Variants in MCOLN1 observed in about 807,000 individuals in gnomAD.
MCOLN1 encodes mucolipin TRP cation channel 1.
A neutral mutation model predicts 70.3 loss-of-function variants in MCOLN1; 50 were observed. The ratio of observed to expected loss-of-function variants is 0.71; its 90% CI spans 0.57 to 0.90. The LOEUF is 0.90. MCOLN1 is among the 40% of genes least tolerant of loss of function. MCOLN1 has a pLI of 0.00. For missense variants in MCOLN1, 598 were observed against 803.5 expected, an observed-to-expected ratio of 0.74 and a Z score of 3.09; for synonymous variants, 366 against 341.0, an observed-to-expected ratio of 1.07 and a Z score of -0.81.
rs686796 is a variant in MCOLN1 at position 7,533,693 on chromosome 19, G to C, written c.1706+40G>C. On this transcript the variant is annotated intron_variant, in intron 13 of 13. Coordinates refer to ENST00000264079, the MANE Select transcript of MCOLN1 (RefSeq NM_020533.3). The stretch of plus-strand genomic sequence containing the variant: ...TCTGGCACATTCAGATTGGAGGTTA[G>C]GGAATGGGGAAAGGGGAGCGAGCCA... The C allele has an allele frequency of 0.023, 36,849 of 1,614,138 alleles. 497 individuals are homozygous for C. Among genetic ancestry groups the C allele is most frequent in the Non-Finnish European group, 0.027 (31,763 of 1,180,014 alleles).
At position 7,525,317 on chromosome 19, in the gene MCOLN1, C is replaced by T. The variant is rs1333776390; in HGVS notation, c.237+151C>T. On this transcript the variant is annotated intron_variant, in intron 2 of 13. Coordinates refer to ENST00000264079, the MANE Select transcript of MCOLN1 (RefSeq NM_020533.3). This position sits in a 1 kb window ranked among gnomAD's most constrained non-coding sequence, Gnocchi z 4.2. ...GACCAGTCTGGCCAGCATGGTGAAA[C>T]CCCATCTCTACTAAAAATACAAAAA... The T allele has an allele frequency of 1.4e-6, 1 of 724,648 alleles. No homozygotes were observed. Among genetic ancestry groups the T allele is most frequent in the Non-Finnish European group, 2.4e-6 (1 of 415,626 alleles). The allele number at this position is 724,648 out of a possible 1,614,324, so 44.9% of individuals were successfully genotyped here. A position where few individuals can be genotyped will look rare whatever the true frequency, so the allele number is the denominator to read the frequency against.
intron 12 of MCOLN1, among the ~76,000 whole-genome samples, chr19:7,531,219 G>T (rs2022649579): frequency 6.7e-6 from 1 of 150,284 alleles, no homozygotes; most frequent in East Asian, 2.0e-4. Context: ...TTTTTTTTTT[G>T]AAATGGAATC....
chr19:7,532,217 C>T lies in MCOLN1; in HGVS notation c.1576-1306C>T, dbSNP rs531722559. ...GGAGGAAAATCAGGTGTGCATGATCCGTCCAAGGCCTGTGGGCAAGGATGG... is the reference window on the plus strand; with the variant it reads ...GGAGGAAAATCAGGTGTGCATGATCTGTCCAAGGCCTGTGGGCAAGGATGG... On this transcript the variant is annotated intron_variant, in intron 12 of 13. Transcript: ENST00000264079. 6.6e-5 allele frequency among the ~76,000 whole-genome samples: 10 copies of T among 152,270 alleles called. No homozygotes were observed. In the South Asian group the frequency reaches 1.2e-3, roughly 19 times the overall value.
rs1028471488 is a variant in MCOLN1, at chr19:7,522,640, C to T, written c.-111C>T. On this transcript the variant is annotated 5_prime_UTR_variant, in exon 1 of 14. Transcript: ENST00000264079. ...GACCGAGGCACAGATCAGCTGATGC[C>T]GGAGGGTTTGAAGCCGCGCCGCGAG... is the stretch of plus-strand genomic sequence containing the variant. The T allele has an allele frequency of 2.6e-6, 3 of 1,174,806 alleles. No individual in the cohort carries two copies. The highest frequency in any genetic ancestry group is 3.4e-6 in the Non-Finnish European group (3 of 873,512). 72.8% of individuals were successfully genotyped at this position (1,174,806 alleles called of 1,614,324 possible). A position where few individuals can be genotyped will look rare whatever the true frequency, so the allele number is the denominator to read the frequency against.
Position 7,528,902 on chromosome 19 carries a change from A to G in MCOLN1, c.1066A>G (p.Ile356Val). 1 of 1,614,140 alleles carries G rather than the reference A, an allele frequency of 6.2e-7. No individual in the cohort carries two copies. Among genetic ancestry groups the G allele is most frequent in the Non-Finnish European group, 8.5e-7 (1 of 1,180,020 alleles). The change falls in exon 9 of 14, where the codon ATC (isoleucine) becomes GTC (valine). Residue 356 changes from isoleucine to valine, a missense_variant. Physicochemically the swap from Ile to Val is conservative, Grantham distance 29. Around this residue, in one of 3 missense-constraint regions of MCOLN1, gnomAD observed 461 missense variants for 588.4 expected, o/e 0.78. Coordinates refer to ENST00000264079, the MANE Select transcript of MCOLN1 (RefSeq NM_020533.3). This position sits in a 1 kb window ranked among gnomAD's most constrained non-coding sequence, Gnocchi z 4.2. ...ERLEFVNGWYILLVTSDVLTI... is the reference protein window; with the variant it reads ...ERLEFVNGWYVLLVTSDVLTI... ...GCTGGAATTTGTCAATGGCTGGTACATCCTGCTCGTCACCAGCGATGTGCT... is the reference window on the plus strand; with the variant it reads ...GCTGGAATTTGTCAATGGCTGGTACGTCCTGCTCGTCACCAGCGATGTGCT...
In MCOLN1 at chr19:7,522,717, C is replaced by G. The variant is rs372842089; in HGVS notation, c.-34C>G. The G allele has an allele frequency of 1.8e-4, 267 of 1,452,670 alleles. No homozygotes were observed. In the African/African-American group the frequency reaches 3.3e-3, roughly 18 times the overall value. 90.0% of individuals were successfully genotyped at this position (1,452,670 alleles called of 1,614,324 possible). A position where few individuals can be genotyped will look rare whatever the true frequency, so the allele number is the denominator to read the frequency against. On this transcript the variant is annotated 5_prime_UTR_variant, in exon 1 of 14. Coordinates refer to ENST00000264079, the MANE Select transcript of MCOLN1 (RefSeq NM_020533.3). ...GGCGATCGGACCCAGGCTGCCCCGC[C>G]GTACCCGCCTGCGTCCCGCGCTCCC...
rs1459775718 is a variant in MCOLN1, at chr19:7,526,851, T to C, written c.496T>C (p.Cys166Arg). The change falls in exon 4 of 14, where the codon TGC becomes CGC. Residue 166 changes from cysteine (C) to arginine (R), a missense_variant. Around this residue, in one of 3 missense-constraint regions of MCOLN1, gnomAD observed 461 missense variants for 588.4 expected, o/e 0.78. Coordinates refer to ENST00000264079, the MANE Select transcript of MCOLN1 (RefSeq NM_020533.3). This position sits in a 1 kb window ranked among gnomAD's most constrained non-coding sequence, Gnocchi z 4.6. ...PWTNGSGLALCQRYYHRGHVD... is the reference protein window; with the variant it reads ...PWTNGSGLALRQRYYHRGHVD... ...GACCAATGGCTCAGGGCTTGCTCTC[T>C]GCCAGCGGTACTACCACCGAGGCCA... 6.2e-7 allele frequency: 1 copy of C among 1,614,190 alleles called. No individual in the cohort carries two copies. Among genetic ancestry groups the C allele is most frequent in the Non-Finnish European group, 8.5e-7 (1 of 1,180,018 alleles).
At chr19:7,531,672 T>A (rs1037676286) in intron 12 of MCOLN1, among the ~76,000 whole-genome samples, 1 of 151,804 alleles carries the variant, frequency 6.6e-6, no homozygotes, top group African/African-American at 2.4e-5. Flanking sequence ...CTTCTTTATT[T>A]ATTTATTTTT....
chr19:7,529,254 C>G, intron 10 of MCOLN1, 52 bp downstream of exon 10: 1 of 1,493,680 alleles, frequency 6.7e-7, no homozygotes, highest in Non-Finnish European at 9.3e-7. Context: ...CCACACCCTC[C>G]AAATAAATCC....
At position 7,529,145 on chromosome 19, in the gene MCOLN1, G is replaced by A. The variant is rs201232288; in HGVS notation, c.1179G>A (p.Ser393=). ...TCTGCAGCATCCTCCTGGGCACCTC[G>A]ACGCTGCTGGTGTGGGTGGGCGTGA... The part of the protein sequence containing the change: ...YDVCSILLGT[S]TLLVWVGVIR... Residue 393 remains serine, a synonymous_variant, in exon 10 of 14, where the codon TCG becomes TCA. Coordinates refer to ENST00000264079, the MANE Select transcript of MCOLN1 (RefSeq NM_020533.3). The A allele has an allele frequency of 2.1e-4, 338 of 1,613,872 alleles. No homozygotes were observed. The highest frequency in any genetic ancestry group is 2.7e-4 in the Non-Finnish European group (321 of 1,180,016).
rs71653388 is a variant in MCOLN1, at chr19:7,530,164, GGCCATTCATGTGGGGCCCCA to G, written c.1360-117_1360-98del. On this transcript the variant is annotated intron_variant, in intron 11 of 13. Transcript: ENST00000264079. ...ACATGGTGACCGCAGCCCGGGACCC[GGCCATTCATGTGGGGCCCCA>G]GCCACCAGCTCCTAGCCATTTGCAT... The G allele has an allele frequency of 0.34, 325,088 of 950,040 alleles. 51,989 individuals are homozygous for G. Among genetic ancestry groups the G allele is most frequent in the Middle Eastern group, 0.45 (1,482 of 3,302 alleles). The allele number at this position is 950,040 out of a possible 1,614,324, so 58.9% of individuals were successfully genotyped here. A position where few individuals can be genotyped will look rare whatever the true frequency, so the allele number is the denominator to read the frequency against.
In MCOLN1 at chr19:7,528,525, G is replaced by A; in HGVS notation, c.878-72G>A. On this transcript the variant is annotated intron_variant, in intron 7 of 13. Coordinates refer to ENST00000264079, the MANE Select transcript of MCOLN1 (RefSeq NM_020533.3). This position sits in a 1 kb window ranked among gnomAD's most constrained non-coding sequence, Gnocchi z 4.2. ...GTGCAGCCCCCTAGGTCTCCAGCCT[G>A]GCCTGGCACCAATGCTAGCCTCCCA... The A allele has an allele frequency of 6.3e-7, 1 of 1,597,756 alleles. No homozygotes were observed. The highest frequency in any genetic ancestry group is 8.5e-7 in the Non-Finnish European group (1 of 1,170,108).
Position 7,533,573 on chromosome 19 carries a change from A to C in MCOLN1, c.1626A>C (p.Ala542=). ...AEESELQAYI[A]QCQDSPTSGK... is the part of the protein sequence containing the mutation. ...AGAGCGAGCTGCAGGCCTACATCGC[A>C]CAGTGCCAGGACAGCCCCACCTCCG... The change falls in exon 13 of 14, where the codon GCA becomes GCC. Residue 542 remains alanine (A), a synonymous_variant. Transcript: ENST00000264079. 1 of 1,612,774 alleles carries C rather than the reference A, an allele frequency of 6.2e-7. No homozygotes were observed. The highest frequency in any genetic ancestry group is 8.5e-7 in the Non-Finnish European group (1 of 1,179,972).
chr19:7,522,707 G>A lies in MCOLN1; in HGVS notation c.-44G>A. On this transcript the variant is annotated 5_prime_UTR_variant, in exon 1 of 14. Transcript: ENST00000264079. ...GACAGCGGCGGGCGATCGGACCCAG[G>A]CTGCCCCGCCGTACCCGCCTGCGTC... is the stretch of plus-strand genomic sequence containing the variant. 1 of 1,437,802 alleles carries A rather than the reference G, an allele frequency of 7.0e-7. No individual in the cohort carries two copies. Among genetic ancestry groups the A allele is most frequent in the Non-Finnish European group, 9.1e-7 (1 of 1,099,798 alleles). 89.1% of individuals were successfully genotyped at this position (1,437,802 alleles called of 1,614,324 possible). A position where few individuals can be genotyped will look rare whatever the true frequency, so the allele number is the denominator to read the frequency against.
At position 7,528,163 on chromosome 19, in the gene MCOLN1, G is replaced by A. The variant is rs200484869; in HGVS notation, c.783G>A (p.Thr261=). The change falls in exon 7 of 14, where the codon ACG becomes ACA. Residue 261 remains threonine, a synonymous_variant. Coordinates refer to ENST00000264079, the MANE Select transcript of MCOLN1 (RefSeq NM_020533.3). This position sits in a 1 kb window ranked among gnomAD's most constrained non-coding sequence, Gnocchi z 4.2. ...CCCCCAACTGGCCCCCACAGATCACGTTTGACAACAAAGCACACAGTGGGC... is the reference window on the plus strand; with the variant it reads ...CCCCCAACTGGCCCCCACAGATCACATTTGACAACAAAGCACACAGTGGGC... The part of the protein sequence containing the change: ...PDCYTFSVLI[T]FDNKAHSGRI... The A allele has an allele frequency of 6.5e-5, 105 of 1,614,042 alleles. No individual in the cohort carries two copies. In the Middle Eastern group the frequency reaches 2.8e-3, roughly 43 times the overall value.
At position 7,522,637 on chromosome 19, in the gene MCOLN1, T is replaced by G. The variant is rs1029269932; in HGVS notation, c.-114T>G. ...CGTGACCGAGGCACAGATCAGCTGA[T>G]GCCGGAGGGTTTGAAGCCGCGCCGC... On this transcript the variant is annotated 5_prime_UTR_variant, in exon 1 of 14. The change abolishes an upstream ATG in the 5' untranslated region. Transcript: ENST00000264079. 24 of 1,144,508 alleles carry G rather than the reference T, an allele frequency of 2.1e-5. No homozygotes were observed. Among genetic ancestry groups the G allele is most frequent in the Non-Finnish European group, 2.8e-5 (24 of 847,386 alleles). 70.9% of individuals were successfully genotyped at this position (1,144,508 alleles called of 1,614,324 possible).
Position 7,525,264 on chromosome 19 carries a change from G to C in MCOLN1, c.237+98G>C. The C allele has an allele frequency of 9.0e-7, 1 of 1,115,994 alleles. No individual in the cohort carries two copies. Among genetic ancestry groups the C allele is most frequent in the Non-Finnish European group, 1.3e-6 (1 of 750,720 alleles). The allele number at this position is 1,115,994 out of a possible 1,614,324, so 69.1% of individuals were successfully genotyped here. ...AGCAGCACTTTGGAAGGCCGAGGCC[G>C]GTGGATCGCTTGAGGCTGGGAGTTC... On this transcript the variant is annotated intron_variant, in intron 2 of 13. Coordinates refer to ENST00000264079, the MANE Select transcript of MCOLN1 (RefSeq NM_020533.3). This position sits in a 1 kb window ranked among gnomAD's most constrained non-coding sequence, Gnocchi z 4.2.
intron 11 of MCOLN1, among the ~76,000 whole-genome samples, 187 bp downstream of exon 11, chr19:7,529,899 A>G (rs2022629745): frequency 6.6e-6 from 1 of 152,050 alleles, no homozygotes; most frequent in Non-Finnish European, 1.5e-5. Flanking sequence ...TTCGACCTGA[A>G]TTACTCCCCT....
chr19:7,525,471 C>A lies in MCOLN1; in HGVS notation c.237+305C>A. 2.2e-5 allele frequency: 8 copies of A among 360,468 alleles called. No homozygotes were observed. Among genetic ancestry groups the A allele is most frequent in the East Asian group, 7.1e-5 (1 of 14,130 alleles). The allele number at this position is 360,468 out of a possible 1,614,324, so 22.3% of individuals were successfully genotyped here. On this transcript the variant is annotated intron_variant, in intron 2 of 13. Coordinates refer to ENST00000264079, the MANE Select transcript of MCOLN1 (RefSeq NM_020533.3). This position sits in a 1 kb window ranked among gnomAD's most constrained non-coding sequence, Gnocchi z 4.2. ...TCATGCCACTGCACTCCAGCCTGGG[C>A]AACAGAGCAAGACTGTCTCAAAAAA...
Sources: gnomAD v4.1 joint callset for allele counts (sites outside exome capture counted in the v4.1 genomes callset) on GRCh38, gnomAD v4.1.1 for gene constraint, gnomAD v4.1.1 regional missense constraint, Gnocchi (gnomAD v3.1) non-coding constraint, MANE v1.5 for transcripts, NCBI Gene and HGNC (gene_info 2026-07-23, HGNC 2026-07-21) for gene names.